PSG3: variants seen among roughly 807,000 people sequenced by gnomAD.
PSG3 encodes the protein pregnancy-specific beta-1-glycoprotein 3.
A neutral mutation model predicts 47.5 loss-of-function variants in PSG3; 61 were observed. The observed-to-expected ratio is 1.28, with a 90% confidence interval of 1.05 to 1.59. PSG3 has a LOEUF of 1.59. Ranked by LOEUF, PSG3 falls within the 40% of genes most tolerant of loss-of-function variation. The pLI is 0.00. For missense variants in PSG3, 756 were observed against 524.0 expected (o/e 1.44, Z -4.32); for synonymous variants, 263 against 198.4 (o/e 1.33, Z -2.74).
At position 42,732,906 on chromosome 19, in the gene PSG3, G is replaced by T; in HGVS notation, c.587C>A (p.Ser196Tyr). 1 of 1,614,094 alleles carries T rather than the reference G, an allele frequency of 6.2e-7. No homozygotes were observed. The highest frequency in any genetic ancestry group is 8.5e-7 in the Non-Finnish European group (1 of 1,179,996). Residue 196 changes from serine to tyrosine, a missense_variant, in exon 3 of 7, where the codon TCC becomes TAC. Transcript: ENST00000327495. ...TAGAAAGAGGGTCCTTTTGTTTTTG[G>T]ACAACTGCAAGCTGTGAGTCATAGG... ...SLPMTHSLQL[S>Y]KNKRTLFLFG...
At chr19:42,722,161 G>T (rs1600375991) in intron 6 of PSG3, 71 bp from the exon 7 acceptor site, 2 of 403,646 alleles carry the variant, frequency 5.0e-6, no homozygotes, top group African/African-American at 2.1e-5. Context: ...TAAAGACACA[G>T]CTCACAAAAT....
At chr19:42,734,121 G>C (rs574323716) in intron 2 of PSG3, 1 of 152,356 alleles carries the variant, frequency 6.6e-6, no homozygotes, top group South Asian at 2.1e-4. Context: ...GGGGAATAGG[G>C]CGTTGTTCTG....
At chr19:42,736,416 C>G (rs1029886155) in intron 2 of PSG3, among the ~76,000 whole-genome samples, 3 of 152,166 alleles carry the variant, frequency 2.0e-5, no homozygotes, top group African/African-American at 7.2e-5. Context: ...GATCATTTCC[C>G]TCCGCCCGCA....
chr19:42,731,560 C>G (rs2049694159), intron 3 of PSG3, among the ~76,000 whole-genome samples: 1 of 151,878 alleles, frequency 6.6e-6, no homozygotes, highest in East Asian at 1.9e-4. Context: ...AACTTTCCAC[C>G]TTTTCATGGT....
At chr19:42,725,183 C>T (rs563420494) in intron 5 of PSG3, among the ~76,000 whole-genome samples, 8 of 152,238 alleles carry the variant, frequency 5.3e-5, no homozygotes, top group South Asian at 2.1e-4. Flanking sequence ...GTTTTATTGA[C>T]TGCATTAAAC....
rs1266923894 is a variant in PSG3 at position 42,739,089 on chromosome 19, G to C, written c.65C>G (p.Ala22Gly). 1 of 1,598,216 alleles carries C rather than the reference G, an allele frequency of 6.3e-7. No homozygotes were observed. The highest frequency in any genetic ancestry group is 1.7e-5 in the Admixed American group (1 of 59,780). The change falls in exon 2 of 7, where the codon GCA becomes GGA. Residue 22 changes from alanine to glycine, a missense_variant and splice_region_variant. Coordinates refer to ENST00000327495, the MANE Select transcript of PSG3 (RefSeq NM_021016.4). ...RITWKGLLLT[A>G]LLLNFWNLPT... ...CAAGTTCCAGAAGTTTAAAAGTAAT[G>C]CTAGGAGGTGGAGAGAGCATCAGTC...
At chr19:42,722,412 G>A (rs542569794) in intron 6 of PSG3, among the ~76,000 whole-genome samples, 12 of 152,156 alleles carry the variant, frequency 7.9e-5, no homozygotes, top group Admixed American at 4.6e-4. Context: ...CACCAAGCCC[G>A]GCTAATTTTG....
chr19:42,738,040 C>T (rs757885570), intron 2 of PSG3, among the ~76,000 whole-genome samples: 27 of 152,328 alleles, frequency 1.8e-4, no homozygotes, highest in Non-Finnish European at 2.6e-4. Flanking sequence ...GTTTCTGCTT[C>T]TGGGGACATT....
rs1416567534 is a variant in PSG3 at position 42,729,307 on chromosome 19, G to C, written c.1059C>G (p.Ser353=). 3 of 1,614,158 alleles carry C rather than the reference G, an allele frequency of 1.9e-6. No individual in the cohort carries two copies. The highest frequency in any genetic ancestry group is 2.5e-6 in the Non-Finnish European group (3 of 1,179,984). ...CTGGTGGGTTAGAGTCCGCGAAGCA[G>C]GACAAGTAGAGGTTTTCTCCTGAAT... ...YYHSGENLYL[S]CFADSNPPAE... The change falls in exon 5 of 7, where the codon TCC becomes TCG. Residue 353 remains serine (S), a synonymous_variant. Transcript: ENST00000327495.
At chr19:42,739,253 G>C (rs988438898) in intron 1 of PSG3, 164 bp from the exon 2 acceptor site, 36 of 1,219,182 alleles carry the variant, frequency 3.0e-5, no homozygotes, top group Admixed American at 1.5e-4. Context: ...GTGTATATGT[G>C]TTTGTGTCCT....
Position 42,729,826 on chromosome 19 carries a change from C to T in PSG3, c.940G>A (p.Asp314Asn), listed in dbSNP as rs746192479. 1.2e-6 allele frequency: 2 copies of T among 1,613,546 alleles called. No homozygotes were observed. The highest frequency in any genetic ancestry group is 2.2e-5 in the South Asian group (2 of 91,058). ...ETGPYQCEIQDRYGGIRSYPV... is the reference protein window; with the variant it reads ...ETGPYQCEIQNRYGGIRSYPV... ...TAACTGCGGATGCCACCATATCGGT[C>T]CTGTATTTCACATTGATAGGGTCCT... The change falls in exon 4 of 7, where the codon GAC becomes AAC. Residue 314 changes from aspartate (D) to asparagine (N), a missense_variant. Physicochemically the swap from Asp to Asn is conservative, Grantham distance 23 (BLOSUM62 1). Transcript: ENST00000327495.
rs372539114 is a variant in PSG3 at position 42,732,996 on chromosome 19, C to A, written c.497G>T (p.Ser166Ile). The A allele has an allele frequency of 2.6e-5, 42 of 1,614,048 alleles. No homozygotes were observed. The highest frequency in any genetic ancestry group is 1.6e-4 in the Middle Eastern group (1 of 6,084). The change falls in exon 3 of 7, where the codon AGC (serine) becomes ATC (isoleucine). Residue 166 changes from serine (S) to isoleucine (I), a missense_variant. By Grantham distance (142) the Ser-to-Ile change is moderately radical. Transcript: ENST00000327495. ...LYPREDMEAV[S>I]LTCDPETPDA... Reference sequence around the variant, plus strand: ...CGGAGTCTCAGGATCACAGGTTAAGCTCACAGCCTCCATGTCCTCCCTGGG... The same window carrying A: ...CGGAGTCTCAGGATCACAGGTTAAGATCACAGCCTCCATGTCCTCCCTGGG...
chr19:42,732,023 GT>G (rs1969480421), intron 3 of PSG3: 1 of 152,074 alleles, frequency 6.6e-6, no homozygotes, highest in Non-Finnish European at 1.5e-5. Context: ...CCTGTCCTGG[GT>G]TTTTGATTTT....
At chr19:42,732,632 C>CT (rs1168290452) in intron 3 of PSG3, 152 bp downstream of exon 3, 1 of 1,557,652 alleles carries the variant, frequency 6.4e-7, no homozygotes, top group African/African-American at 1.4e-5. Flanking sequence ...TAGGCCTACT[C>CT]TGGTTTGCCT....
At chr19:42,724,344 ATC>A (rs1969341845) in intron 5 of PSG3, among the ~76,000 whole-genome samples, 1 of 152,208 alleles carries the variant, frequency 6.6e-6, no homozygotes, top group Non-Finnish European at 1.5e-5. Flanking sequence ...TCATGGTTGC[ATC>A]TTTTTCTCAG....
Position 42,732,961 on chromosome 19 carries a change from A to G in PSG3, c.532T>C (p.Tyr178His). The G allele has an allele frequency of 4.3e-6, 7 of 1,614,150 alleles. No homozygotes were observed. The highest frequency in any genetic ancestry group is 5.9e-6 in the Non-Finnish European group (7 of 1,180,024). The change falls in exon 3 of 7, where the codon TAC becomes CAC. Residue 178 changes from tyrosine (Y) to histidine (H), a missense_variant. By Grantham distance (83) the Tyr-to-His change is moderately conservative. Transcript: ENST00000327495. The part of the protein sequence containing the change: ...TCDPETPDAS[Y>H]LWWMNGQSLP... ...CTCTGACCATTCATCCACCACAGGT[A>G]GCTTGCGTCCGGAGTCTCAGGATCA...
rs1449073564 is a variant in PSG3 at position 42,733,063 on chromosome 19, C to T, written c.431-1G>A. On this transcript the variant is annotated splice_acceptor_variant, in intron 2 of 6. Coordinates refer to ENST00000327495, the MANE Select transcript of PSG3 (RefSeq NM_021016.4). LOFTEE classifies it high-confidence loss of function. Reference sequence around the variant, plus strand: ...GAGATGGAGGGCTTGGGAGTCTCCACTGTGCAGAAAACAGAGAGAAGATTG... The same window carrying T: ...GAGATGGAGGGCTTGGGAGTCTCCATTGTGCAGAAAACAGAGAGAAGATTG... 1 of 1,613,740 alleles carries T rather than the reference C, an allele frequency of 6.2e-7. No individual in the cohort carries two copies. The highest frequency in any genetic ancestry group is 1.1e-5 in the South Asian group (1 of 91,058).
At chr19:42,740,008 A>G (rs1034061928) in intron 1 of PSG3, among the ~76,000 whole-genome samples, 25 of 149,962 alleles carry the variant, frequency 1.7e-4, no homozygotes, top group Admixed American at 4.7e-4. Flanking sequence ...GCTGGCGTGC[A>G]GTGGCACTAT....
Position 42,730,955 on chromosome 19 carries a change from T to C in PSG3, c.710-899A>G, listed in dbSNP as rs370931343. On this transcript the variant is annotated intron_variant, in intron 3 of 6. Coordinates refer to ENST00000327495, the MANE Select transcript of PSG3 (RefSeq NM_021016.4). ...ATGGACCATATGTGTTTGATGGATA[T>C]GAGACAAATTTGGAGAGAAGTTTTG... is the stretch of plus-strand genomic sequence containing the variant. Among the ~76,000 whole-genome samples the C allele has an allele frequency of 2.1e-4, 32 of 152,366 alleles. 1 individual carries two copies. The highest frequency in any genetic ancestry group is 8.5e-4 in the Admixed American group (13 of 15,308).
Sources: allele counts gnomAD v4.1 joint callset (sites outside exome capture counted in the v4.1 genomes callset), GRCh38; gene constraint gnomAD v4.1.1; transcripts MANE v1.5; gene names NCBI Gene and HGNC (gene_info 2026-07-23, HGNC 2026-07-21).